BCLAF3: variants seen among roughly 807,000 people sequenced by gnomAD.
BCLAF3 encodes the protein transient octamer binding factor 1.
A neutral mutation model predicts 51.2 loss-of-function variants in BCLAF3; 24 were observed. That is an observed-to-expected ratio of 0.47 (90% CI 0.34 to 0.66). The LOEUF is 0.66. Ranked by LOEUF, BCLAF3 falls within the 30% of genes least tolerant of loss-of-function variation. The probability of loss-of-function intolerance (pLI) is 0.01; values close to 1 mark genes in which losing one functional copy is unlikely to be tolerated. For missense variants in BCLAF3, 465 were observed against 525.1 expected, an observed-to-expected ratio of 0.89 and a Z score of 1.12; for synonymous variants, 152 against 176.6, an observed-to-expected ratio of 0.86 and a Z score of 1.10.
chrX:19,990,142 GAAAAAA>G (rs376381001), intron 1 of BCLAF3, among the ~76,000 whole-genome samples: 1 of 50,801 alleles, frequency 2.0e-5, no homozygotes, highest in Non-Finnish European at 3.8e-5. Flanking sequence ...TTTGTTCCAG[GAAAAAA>G]AAAAAAAAAA....
chrX:19,953,836 C>T lies in BCLAF3; in HGVS notation c.1507G>A (p.Asp503Asn). The T allele has an allele frequency of 8.3e-7, 1 of 1,208,872 alleles. No individual in the cohort carries two copies. The highest frequency in any genetic ancestry group is 1.8e-5 in the South Asian group (1 of 56,564). Residue 503 changes from aspartate (D) to asparagine (N), a missense_variant, in exon 6 of 12, where the codon GAT becomes AAT. Transcript: ENST00000379682. ...TCATTTACATCTGCCTTGTGTATAT[C>T]TTGCATTGTTGAGAAACGCTCATGT... is the stretch of plus-strand genomic sequence containing the variant. ...TLHERFSTMQ[D>N]IHKADVNEIP...
intron 1 of BCLAF3, among the ~76,000 whole-genome samples, chrX:19,973,786 G>A (rs1212093766): frequency 8.9e-6 from 1 of 112,128 alleles, no homozygotes; most frequent in Non-Finnish European, 1.9e-5. Flanking sequence ...ATAGGCAAAA[G>A]ACTCCATTAT....
intron 1 of BCLAF3, among the ~76,000 whole-genome samples, chrX:19,977,391 A>C (rs1806839451): frequency 8.9e-6 from 1 of 112,372 alleles, no homozygotes; most frequent in Non-Finnish European, 1.9e-5. Flanking sequence ...TGAACACATG[A>C]ATAAGAAAGT....
intron 4 of BCLAF3, among the ~76,000 whole-genome samples, chrX:19,963,892 A>G (rs1299485662): frequency 1.8e-5 from 2 of 110,871 alleles, no homozygotes; most frequent in South Asian, 7.7e-4. Context: ...GCATGCACCT[A>G]TAGTCCTAGA....
At chrX:19,938,648 T>C (rs1353421947) in intron 8 of BCLAF3, among the ~76,000 whole-genome samples, 2 of 112,519 alleles carry the variant, frequency 1.8e-5, no homozygotes, top group Admixed American at 1.9e-4. Flanking sequence ...CCATCCACCT[T>C]GGCCTCCCAA....
chrX:19,990,484 C>G (rs1454618178), intron 1 of BCLAF3, among the ~76,000 whole-genome samples: 2 of 113,976 alleles, frequency 1.8e-5, no homozygotes, highest in East Asian at 5.5e-4. Context: ...GTCCTCGGTT[C>G]AGGCCCCGCA....
intron 4 of BCLAF3, among the ~76,000 whole-genome samples, chrX:19,961,346 T>C (rs2071851618): frequency 8.9e-6 from 1 of 112,175 alleles, no homozygotes; most frequent in Non-Finnish European, 1.9e-5. Flanking sequence ...GCAGTGAACA[T>C]TCAAGCAAGT....
intron 11 of BCLAF3, among the ~76,000 whole-genome samples, chrX:19,928,599 T>TA (rs1172770618): frequency 2.7e-5 from 3 of 111,050 alleles, no homozygotes; most frequent in African/African-American, 6.6e-5. Flanking sequence ...ATTAAAAACT[T>TA]AAAAAATTTA....
At chrX:19,932,382 T>C (rs1259697215) in intron 10 of BCLAF3, among the ~76,000 whole-genome samples, 1 of 111,579 alleles carries the variant, frequency 9.0e-6, no homozygotes, top group Non-Finnish European at 1.9e-5. Flanking sequence ...TTTTAGAATG[T>C]TTCAGGGAAA....
Position 19,971,463 on chromosome X carries a change from G to C in BCLAF3, c.-34-1165C>G, listed in dbSNP as rs370835710. Among the ~76,000 whole-genome samples, 18 of 112,130 alleles carry C rather than the reference G, an allele frequency of 1.6e-4. No homozygotes were observed. The East Asian group carries it at 5.0e-3, about 31-fold the overall frequency. Reference sequence around the variant, plus strand: ...CCCAAAATATAATTGAACATTATTAGACATTTAGTTTGCTTCTGGTTTTTT... The same window carrying C: ...CCCAAAATATAATTGAACATTATTACACATTTAGTTTGCTTCTGGTTTTTT... On this transcript the variant is annotated intron_variant, in intron 1 of 11. Coordinates refer to ENST00000379682, the MANE Select transcript of BCLAF3 (RefSeq NM_001367774.2).
At chrX:19,938,159 G>T (rs2070846160) in intron 8 of BCLAF3, among the ~76,000 whole-genome samples, 2 of 111,144 alleles carry the variant, frequency 1.8e-5, no homozygotes, top group Admixed American at 9.6e-5. Context: ...GATCTCCAAA[G>T]CCTCATTTCC....
In BCLAF3 at chrX:19,926,350, C is replaced by T. The variant is rs895957121; in HGVS notation, c.2106+3435G>A. Among the ~76,000 whole-genome samples, 9 of 111,281 alleles carry T rather than the reference C, an allele frequency of 8.1e-5. No homozygotes were observed. The South Asian group carries it at 1.1e-3, about 14-fold the overall frequency. On this transcript the variant is annotated intron_variant, in intron 11 of 11. Transcript: ENST00000379682. Reference sequence around the variant, plus strand: ...AGCCTAGGCCTAAAGATTGGAGACCCGTAGCAGGCTGTAGCTTCTTCTAGG... The same window carrying T: ...AGCCTAGGCCTAAAGATTGGAGACCTGTAGCAGGCTGTAGCTTCTTCTAGG...
intron 11 of BCLAF3, 152 bp downstream of exon 11, chrX:19,929,633 G>A: frequency 1.9e-6 from 1 of 513,846 alleles, no homozygotes; most frequent in Middle Eastern, 6.1e-4. Context: ...ATTACTCCCT[G>A]AAGATCTTAT....
intron 11 of BCLAF3, among the ~76,000 whole-genome samples, chrX:19,924,256 A>G (rs2070287019): frequency 9.0e-6 from 1 of 111,455 alleles, no homozygotes; most frequent in Non-Finnish European, 1.9e-5. Flanking sequence ...AGGTAAGGGC[A>G]ATCAAGACAA....
chrX:19,985,524 T>G (rs1200788579), intron 1 of BCLAF3, among the ~76,000 whole-genome samples: 1 of 111,006 alleles, frequency 9.0e-6, no homozygotes, highest in Non-Finnish European at 1.9e-5. Flanking sequence ...AATTCAAGGC[T>G]ACAGTGAGCT....
At chrX:19,970,192 A>T (rs375216517) in intron 2 of BCLAF3, 32 bp downstream of exon 2, 3 of 1,177,047 alleles carry the variant, frequency 2.5e-6, no homozygotes, top group Non-Finnish European at 3.5e-6. Flanking sequence ...GCACATCCCA[A>T]ATCCAAGCTT....
chrX:19,957,734 A>G (rs965756493), intron 4 of BCLAF3, among the ~76,000 whole-genome samples: 9 of 111,810 alleles, frequency 8.0e-5, no homozygotes, highest in African/African-American at 2.9e-4. Flanking sequence ...TTTATCCTAG[A>G]GTTCCTCTAC....
intron 1 of BCLAF3, among the ~76,000 whole-genome samples, chrX:19,984,728 C>A (rs1209094918): frequency 1.8e-5 from 2 of 110,331 alleles, no homozygotes; most frequent in Non-Finnish European, 3.8e-5. Context: ...TCTTGTTGCC[C>A]AGGCTGGAGT....
chrX:19,943,523 C>T (rs1170162683), intron 8 of BCLAF3, among the ~76,000 whole-genome samples: 4 of 78,014 alleles, frequency 5.1e-5, no homozygotes, highest in African/African-American at 2.3e-4. Flanking sequence ...GCCTTCATTT[C>T]GTTATGTACC....
Sources: gnomAD v4.1 joint callset for allele counts (sites outside exome capture counted in the v4.1 genomes callset) on GRCh38, gnomAD v4.1.1 for gene constraint, MANE v1.5 for transcripts, NCBI Gene and HGNC (gene_info 2026-07-23, HGNC 2026-07-21) for gene names.